Variants in ANKRD28 observed in about 807,000 individuals in gnomAD.
ANKRD28 encodes ankyrin repeat domain 28.
Under a neutral mutation model 126.5 loss-of-function variants are expected in ANKRD28, and 44 were observed. The observed-to-expected ratio is 0.35, with a 90% CI of 0.27 to 0.45. ANKRD28 has a LOEUF of 0.45. Among genes scored for constraint, ANKRD28 ranks in the 20% least tolerant of loss-of-function variants. The probability of loss-of-function intolerance (pLI) is 1.00; values close to 1 mark genes in which losing one functional copy is unlikely to be tolerated. For missense variants in ANKRD28, 1,110 were observed against 1,316.6 expected, an observed-to-expected ratio of 0.84 and a Z score of 2.43; for synonymous variants, 442 against 468.5, an observed-to-expected ratio of 0.94 and a Z score of 0.73.
chr3:15,675,614 G>C (rs917837988), intron 27 of ANKRD28, among the ~76,000 whole-genome samples: 4 of 152,142 alleles, frequency 2.6e-5, no homozygotes. Context: ...ATACATATTT[G>C]CTGAAAGAAC....
rs746919799 is a variant in ANKRD28, at chr3:15,766,282, C to T, written c.232G>A (p.Ala78Thr). 1.2e-5 allele frequency: 19 copies of T among 1,610,832 alleles called. No individual in the cohort carries two copies. The highest frequency in any genetic ancestry group is 1.6e-4 in the Middle Eastern group (1 of 6,076). Residue 78 changes from alanine (A) to threonine (T), a missense_variant, in exon 3 of 28, where the codon GCA (alanine) becomes ACA (threonine). Ala to Thr is a moderately conservative substitution (Grantham distance 58, BLOSUM62 0). Coordinates refer to ENST00000683139, the MANE Select transcript of ANKRD28 (RefSeq NM_001349278.2). ...DNEKRTPLHAAAYLGDAEIIE... is the reference protein window; with the variant it reads ...DNEKRTPLHATAYLGDAEIIE... Reference sequence around the variant, plus strand: ...ATTTCTGCATCTCCAAGGTAAGCTGCGGCGTGCAATGGGGTTCGCTTTTCA... The same window carrying T: ...ATTTCTGCATCTCCAAGGTAAGCTGTGGCGTGCAATGGGGTTCGCTTTTCA...
chr3:15,677,949 A>C (rs2067125129), intron 24 of ANKRD28, among the ~76,000 whole-genome samples: 1 of 152,118 alleles, frequency 6.6e-6, no homozygotes, highest in South Asian at 2.1e-4. Context: ...AAGATCTAGG[A>C]CTCACATTCA....
intron 4 of ANKRD28, among the ~76,000 whole-genome samples, chr3:15,738,034 C>A (rs748071350): frequency 1.1e-4 from 17 of 152,098 alleles, no homozygotes; most frequent in Non-Finnish European, 1.9e-4. Flanking sequence ...CACAACACTA[C>A]CTCTATAAAT....
chr3:15,728,677 T>G (rs1320159915), intron 6 of ANKRD28, among the ~76,000 whole-genome samples: 3 of 152,228 alleles, frequency 2.0e-5, no homozygotes. Flanking sequence ...TGTGGTAGTT[T>G]AGCACCAAAC....
At chr3:15,802,613 T>C (rs537332847), upstream of ANKRD28, among the ~76,000 whole-genome samples, 1 of 152,312 alleles carries the variant, frequency 6.6e-6, no homozygotes, top group South Asian at 2.1e-4. Context: ...CATATTGTAC[T>C]AGAAACAATA....
chr3:15,676,122 A>G (rs2066910313), intron 26 of ANKRD28, 133 bp from the exon 27 acceptor site: 1 of 579,460 alleles, frequency 1.7e-6, no homozygotes, highest in African/African-American at 1.9e-5. Context: ...ACCTAGTCCT[A>G]ATAACAAAGA....
chr3:15,766,679 A>C (rs1359084876), intron 2 of ANKRD28, among the ~76,000 whole-genome samples: 1 of 152,190 alleles, frequency 6.6e-6, no homozygotes, highest in Non-Finnish European at 1.5e-5. Context: ...CTCTATTAAA[A>C]ACAAAAAAAA....
Position 15,702,168 on chromosome 3 carries a change from T to C in ANKRD28, c.1547+5756A>G, listed in dbSNP as rs2125967508. On this transcript the variant is annotated intron_variant, in intron 14 of 27. Coordinates refer to ENST00000683139, the MANE Select transcript of ANKRD28 (RefSeq NM_001349278.2). ...GTTAAATGACTTTTCCCAAATCCTT[T>C]TGGCTAGAATATGGCAAACCAAGGA... Among the ~76,000 whole-genome samples, 4 of 152,354 alleles carry C rather than the reference T, an allele frequency of 2.6e-5. No individual in the cohort carries two copies. The South Asian group carries it at 8.3e-4, about 32-fold the overall frequency.
chr3:15,688,982 T>G (rs2068470976), intron 18 of ANKRD28, among the ~76,000 whole-genome samples: 1 of 152,222 alleles, frequency 6.6e-6, no homozygotes. Context: ...AAATAAATAC[T>G]GCATTGTTTT....
intron 26 of ANKRD28, 143 bp downstream of exon 26, chr3:15,676,831 T>C (rs1310848785): frequency 8.9e-6 from 5 of 564,350 alleles, no homozygotes; most frequent in East Asian, 3.1e-5. Context: ...ATTTTAGAAA[T>C]GAGTTTTGAC....
intron 1 of ANKRD28, among the ~76,000 whole-genome samples, chr3:15,848,722 T>C (rs907608541): frequency 4.7e-5 from 7 of 150,434 alleles, no homozygotes; most frequent in African/African-American, 1.7e-4. Context: ...AAATTAGAAA[T>C]AGGAAGGAAC....
chr3:15,708,164 AT>A, intron 13 of ANKRD28, 100 bp from the exon 14 acceptor site: 2 of 1,333,832 alleles, frequency 1.5e-6, no homozygotes, highest in Non-Finnish European at 2.1e-6. Flanking sequence ...CAAATACTTT[AT>A]TTACAGTGAG....
At chr3:15,696,739 TAAG>T (rs2069633990) in intron 14 of ANKRD28, among the ~76,000 whole-genome samples, 1 of 152,108 alleles carries the variant, frequency 6.6e-6, no homozygotes, top group Non-Finnish European at 1.5e-5. Context: ...ATTAGAGGAC[TAAG>T]AAGAGGTATA....
At chr3:15,757,822 G>A (rs906781627) in intron 3 of ANKRD28, among the ~76,000 whole-genome samples, 11 of 152,262 alleles carry the variant, frequency 7.2e-5, no homozygotes, top group African/African-American at 2.4e-4. Context: ...ACATTAAAAA[G>A]ATCTATGTTA....
chr3:15,859,551 G>A (rs1490896295), exon 1 of ANKRD28: 1 of 479,052 alleles, frequency 2.1e-6, no homozygotes. Context: ...AAGACCTGCG[G>A]GCAGGGGGCG....
At position 15,853,261 on chromosome 3, in the gene ANKRD28, C is replaced by A. The variant is rs1262878052; in HGVS notation, c.27+6116G>T. 6.6e-6 allele frequency among the ~76,000 whole-genome samples: 1 copy of A among 152,078 alleles called. No individual in the cohort carries two copies. The highest frequency in any genetic ancestry group is 1.5e-5 in the Non-Finnish European group (1 of 68,022). On this transcript the variant is annotated intron_variant, in intron 1 of 27. Coordinates refer to the ANKRD28 transcript ENST00000399451. The surrounding 1 kb of genome is among the most constrained non-coding windows in gnomAD (Gnocchi z 4.2). ...AGGATACATTATTCAAAACAAAAGA[C>A]CTAATCCTGAACTATTTCCTCCAGG...
chr3:15,853,728 C>T lies in ANKRD28; in HGVS notation c.27+5649G>A, dbSNP rs1435096280. ...TCATGATCCGCCCGCCTCGGTCTCC[C>T]AAAGTGCTGGGATTACAGGCATGAG... On this transcript the variant is annotated intron_variant, in intron 1 of 27. Coordinates refer to the ANKRD28 transcript ENST00000399451. The surrounding 1 kb of genome is among the most constrained non-coding windows in gnomAD (Gnocchi z 4.2). 6.6e-6 allele frequency among the ~76,000 whole-genome samples: 1 copy of T among 152,126 alleles called. No individual in the cohort carries two copies. Among genetic ancestry groups the T allele is most frequent in the Non-Finnish European group, 1.5e-5 (1 of 68,022 alleles).
At chr3:15,736,238 A>G (rs1378837390) in intron 5 of ANKRD28, among the ~76,000 whole-genome samples, 2 of 152,176 alleles carry the variant, frequency 1.3e-5, no homozygotes, top group African/African-American at 2.4e-5. Context: ...ATTGTTCCAT[A>G]TTATTATCTC....
intron 3 of ANKRD28, among the ~76,000 whole-genome samples, chr3:15,754,206 A>AC (rs1198457639): frequency 4.6e-5 from 7 of 152,184 alleles, no homozygotes; most frequent in Admixed American, 3.3e-4. Context: ...TAAATTGCTC[A>AC]CTGTTCTGAG....
Sources: gnomAD v4.1 joint callset for allele counts (sites outside exome capture counted in the v4.1 genomes callset) on GRCh38, gnomAD v4.1.1 for gene constraint, Gnocchi (gnomAD v3.1) non-coding constraint, MANE v1.5 for transcripts, NCBI Gene and HGNC (gene_info 2026-07-23, HGNC 2026-07-21) for gene names.